Variants in AMPD3 observed in about 807,000 individuals in gnomAD.
AMPD3 encodes AMP deaminase 3.
A neutral mutation model predicts 82.3 loss-of-function variants in AMPD3; 57 were observed. That is an observed-to-expected ratio of 0.69 (90% CI 0.56 to 0.86). The LOEUF is 0.86. Among genes scored for constraint, AMPD3 ranks in the 40% least tolerant of loss-of-function variants. The probability of loss-of-function intolerance (pLI) is 0.00; values close to 1 mark genes in which losing one functional copy is unlikely to be tolerated. For missense variants in AMPD3, 870 were observed against 1,003.8 expected (o/e 0.87, Z 1.80); for synonymous variants, 381 against 394.7 (o/e 0.97, Z 0.41).
intron 2 of AMPD3, chr11:10,478,061 C>G (rs2133875891): frequency 1.0e-6 from 1 of 985,452 alleles, no homozygotes; most frequent in East Asian, 1.1e-4. Flanking sequence ...GTGATTGTCT[C>G]TCTGTGACCC....
upstream of AMPD3, chr11:10,450,659 G>T: frequency 2.9e-6 from 3 of 1,017,056 alleles, no homozygotes; most frequent in Non-Finnish European, 3.5e-6. Flanking sequence ...CCGGCCAAGG[G>T]CCCTGGCGGC....
intron 2 of AMPD3, among the ~76,000 whole-genome samples, chr11:10,467,351 A>G (rs1290639269): frequency 6.6e-6 from 1 of 152,236 alleles, no homozygotes. Context: ...AAAACACAGC[A>G]CGAGAACATT....
rs528301132 is a variant in AMPD3 at position 10,497,073 on chromosome 11, G to A, written c.1557+135G>A. The A allele has an allele frequency of 1.4e-5, 16 of 1,156,948 alleles. No homozygotes were observed. The East Asian group carries it at 3.8e-4, about 27-fold the overall frequency. The allele number at this position is 1,156,948 out of a possible 1,614,324, so 71.7% of individuals were successfully genotyped here. On this transcript the variant is annotated intron_variant, in intron 10 of 14. Transcript: ENST00000396553. ...CTGCCACCTGTGTTCCAGGCGTGGG[G>A]TCACCAGCCCCAAGAAGCTAGATTT...
intron 6 of AMPD3, chr11:10,490,392 C>T: frequency 1.4e-6 from 1 of 737,462 alleles, no homozygotes; most frequent in Non-Finnish European, 1.7e-6. Context: ...AATTAGGGGC[C>T]ACCCCTAAAG....
upstream of AMPD3, chr11:10,450,960 T>A (rs2133795877): frequency 6.7e-7 from 1 of 1,503,120 alleles, no homozygotes; most frequent in Non-Finnish European, 8.8e-7. Context: ...GCAGCCCCGC[T>A]CCGCTCTGCC....
chr11:10,497,667 T>G (rs1849455754), intron 10 of AMPD3: 1 of 985,246 alleles, frequency 1.0e-6, no homozygotes. Context: ...AAATTTATGT[T>G]TTAGACAAAC....
At chr11:10,482,846 A>C (rs544238561) in intron 4 of AMPD3, among the ~76,000 whole-genome samples, 13 of 152,292 alleles carry the variant, frequency 8.5e-5, no homozygotes, top group African/African-American at 2.9e-4. Context: ...TATTTAAAAG[A>C]ACACAATCAC....
At chr11:10,477,423 G>T (rs1848772719) in intron 2 of AMPD3, among the ~76,000 whole-genome samples, 2 of 152,200 alleles carry the variant, frequency 1.3e-5, no homozygotes, top group Admixed American at 1.3e-4. Flanking sequence ...ACATGAGGTA[G>T]GAGAAGAGTG....
upstream of AMPD3, chr11:10,450,799 G>A: frequency 8.5e-7 from 1 of 1,177,738 alleles, no homozygotes; most frequent in Non-Finnish European, 1.0e-6. Flanking sequence ...GCGGCTGGCC[G>A]GCTTCCTCCC....
chr11:10,461,441 C>T (rs1848267365), intron 1 of AMPD3, 74 bp from the exon 2 acceptor site: 3 of 1,610,108 alleles, frequency 1.9e-6, no homozygotes, highest in South Asian at 2.2e-5. Context: ...CTGGCCCTCA[C>T]TTCAGTGCCT....
intron 2 of AMPD3, among the ~76,000 whole-genome samples, chr11:10,475,812 GA>G (rs1848721574): frequency 6.6e-6 from 1 of 152,130 alleles, no homozygotes; most frequent in Admixed American, 6.5e-5. Flanking sequence ...AGGTCAATAG[GA>G]GTTGAGAGTG....
At chr11:10,468,892 A>AC (rs1192739051) in intron 2 of AMPD3, among the ~76,000 whole-genome samples, 1 of 152,226 alleles carries the variant, frequency 6.6e-6, no homozygotes, top group Non-Finnish European at 1.5e-5. Flanking sequence ...CTGAATGACT[A>AC]CTGGGTAAAT....
chr11:10,504,341 G>A (rs1316998407), intron 13 of AMPD3: 1 of 564,450 alleles, frequency 1.8e-6, no homozygotes, highest in African/African-American at 2.0e-5. Flanking sequence ...TAAATGTAGA[G>A]GCGTGATTTT....
At chr11:10,499,983 G>T (rs1217879626) in intron 10 of AMPD3, 103 bp from the exon 11 acceptor site, 6 of 1,553,324 alleles carry the variant, frequency 3.9e-6, no homozygotes, top group Non-Finnish European at 5.3e-6. Context: ...AACCTGAGGG[G>T]CCCAGACCCA....
At chr11:10,494,811 C>A (rs1467705487) in intron 7 of AMPD3, 88 bp from the exon 8 acceptor site, 6 of 1,578,328 alleles carry the variant, frequency 3.8e-6, no homozygotes, top group Non-Finnish European at 4.3e-6. Context: ...TGTGGCCATA[C>A]AGAAGGCCGC....
At position 10,505,850 on chromosome 11, in the gene AMPD3, T is replaced by C; in HGVS notation, c.2270T>C (p.Met757Thr). The C allele has an allele frequency of 1.2e-6, 2 of 1,614,214 alleles. No homozygotes were observed. Among genetic ancestry groups the C allele is most frequent in the Non-Finnish European group, 1.7e-6 (2 of 1,180,036 alleles). ...CNELSFLSDAMKSEEITALTN is the reference protein window; with the variant it reads ...CNELSFLSDATKSEEITALTN ...GAGCTCAGCTTCCTGTCTGATGCTA[T>C]GAAATCAGAAGAGATCACCGCCTTG... is the stretch of plus-strand genomic sequence containing the variant. Residue 757 changes from methionine to threonine, a missense_variant, in exon 15 of 15, where the codon ATG becomes ACG. Transcript: ENST00000396553.
chr11:10,484,778 A>C, intron 4 of AMPD3, 42 bp from the exon 5 acceptor site: 1 of 1,606,898 alleles, frequency 6.2e-7, no homozygotes, highest in Non-Finnish European at 8.5e-7. Flanking sequence ...GTGTGCTCAC[A>C]AGGTCAGGGG....
chr11:10,484,866 T>G lies in AMPD3; in HGVS notation c.636T>G (p.Asp212Glu). The G allele has an allele frequency of 1.2e-6, 2 of 1,614,092 alleles. No homozygotes were observed. Among genetic ancestry groups the G allele is most frequent in the Non-Finnish European group, 1.7e-6 (2 of 1,180,014 alleles). The change falls in exon 5 of 15, where the codon GAT becomes GAG. Residue 212 changes from aspartate (D) to glutamate (E), a missense_variant. Physicochemically the swap from Asp to Glu is conservative, Grantham distance 45 (BLOSUM62 2). Transcript: ENST00000396553. ...PLPQEDPYCL[D>E]DAPPNLDYLV... is the part of the protein sequence containing the mutation. Reference sequence around the variant, plus strand: ...CCCAGGAAGACCCCTACTGCCTGGATGATGCACCCCCCAACCTGGATTACT... The same window carrying G: ...CCCAGGAAGACCCCTACTGCCTGGAGGATGCACCCCCCAACCTGGATTACT...
At chr11:10,484,374 T>A in intron 4 of AMPD3, 3 of 985,370 alleles carry the variant, frequency 3.0e-6, no homozygotes, top group Non-Finnish European at 3.6e-6. Context: ...CTCGGGACAG[T>A]TATTCCCACT....
Sources: gnomAD v4.1 joint callset for allele counts (sites outside exome capture counted in the v4.1 genomes callset) on GRCh38, gnomAD v4.1.1 for gene constraint, MANE v1.5 for transcripts, NCBI Gene and HGNC (gene_info 2026-07-23, HGNC 2026-07-21) for gene names.